Variants in RBFOX1 observed in about 807,000 individuals in gnomAD.
The protein encoded by RBFOX1 is RNA binding fox-1 homolog 1.
A neutral mutation model predicts 57.7 loss-of-function variants in RBFOX1; 8 were observed. That is an observed-to-expected ratio of 0.14 (90% CI 0.08 to 0.25). The LOEUF is 0.25. Ranked by LOEUF, RBFOX1 falls within the 10% of genes least tolerant of loss-of-function variation. The pLI is 1.00. For missense variants in RBFOX1, 611 were observed against 548.5 expected (o/e 1.11, Z -1.14); for synonymous variants, 326 against 222.4 (o/e 1.47, Z -4.15).
intron 4 of RBFOX1, among the ~76,000 whole-genome samples, chr16:7,175,238 C>G (rs1408480684): frequency 1.3e-5 from 2 of 151,914 alleles, no homozygotes; most frequent in African/African-American, 2.4e-5. Context: ...TGTGTTGTTC[C>G]TCTCCCTGTG....
intron 5 of RBFOX1, among the ~76,000 whole-genome samples, chr16:7,575,010 C>CA (rs1205521769): frequency 7.6e-6 from 1 of 131,112 alleles, no homozygotes; most frequent in East Asian, 2.3e-4. Flanking sequence ...TGGTGACCTC[C>CA]AAAAAATATG....
chr16:7,474,026 C>T (rs1257978901), intron 4 of RBFOX1, among the ~76,000 whole-genome samples: 2 of 152,136 alleles, frequency 1.3e-5, no homozygotes, highest in Non-Finnish European at 2.9e-5. Flanking sequence ...TGGTGGCTCA[C>T]GCCTGTGGTC....
chr16:7,664,671 G>C (rs2068708293), intron 12 of RBFOX1: 1 of 553,974 alleles, frequency 1.8e-6, no homozygotes. Context: ...ACCCACTCCT[G>C]AGAGAGTGGG....
At chr16:6,178,556 T>C (rs2097033329) in intron 1 of RBFOX1, among the ~76,000 whole-genome samples, 1 of 152,184 alleles carries the variant, frequency 6.6e-6, no homozygotes, top group South Asian at 2.1e-4. Flanking sequence ...CCATCACTGA[T>C]GGCTTACTAT....
At chr16:7,485,967 G>C (rs1293173742) in intron 4 of RBFOX1, among the ~76,000 whole-genome samples, 2 of 152,178 alleles carry the variant, frequency 1.3e-5, no homozygotes, top group South Asian at 2.1e-4. Flanking sequence ...AAGTTGAGTT[G>C]TGTCAACAGA....
chr16:7,179,659 A>G (rs1021189800), intron 4 of RBFOX1, among the ~76,000 whole-genome samples: 15 of 152,148 alleles, frequency 9.9e-5, no homozygotes, highest in African/African-American at 3.1e-4. Flanking sequence ...CAGCAACACA[A>G]TGAATTTATT....
intron 4 of RBFOX1, among the ~76,000 whole-genome samples, chr16:7,158,663 C>T (rs922934118): frequency 2.0e-5 from 3 of 149,594 alleles, no homozygotes; most frequent in South Asian, 2.2e-4. Flanking sequence ...ATGGTGCGTG[C>T]ACGCACGTAT....
At chr16:7,429,205 A>T (rs773264995) in intron 4 of RBFOX1, among the ~76,000 whole-genome samples, 4 of 152,190 alleles carry the variant, frequency 2.6e-5, no homozygotes, top group Admixed American at 6.5e-5. Context: ...CATCTACTGG[A>T]CAGAGGCACA....
intron 3 of RBFOX1, among the ~76,000 whole-genome samples, chr16:7,024,535 G>T (rs563008092): frequency 6.6e-6 from 1 of 152,256 alleles, no homozygotes; most frequent in Admixed American, 6.5e-5. Context: ...CTTTGTAGAT[G>T]TTAGGAGATA....
chr16:5,268,199 C>A (rs186289727), intron 1 of RBFOX1, among the ~76,000 whole-genome samples: 1 of 152,318 alleles, frequency 6.6e-6, no homozygotes, highest in African/African-American at 2.4e-5. Flanking sequence ...GCAGCCTCTA[C>A]TAGAATGAAG....
chr16:5,507,169 G>C (rs767947090), intron 2 of RBFOX1, among the ~76,000 whole-genome samples: 1 of 152,050 alleles, frequency 6.6e-6, no homozygotes, highest in African/African-American at 2.4e-5. Flanking sequence ...AAACAAATTC[G>C]GGTGTGTGAA....
rs1208277948 is a variant in RBFOX1, at chr16:7,416,963, T to C, written c.28-101184T>C. On this transcript the variant is annotated intron_variant, in intron 4 of 15. Coordinates refer to ENST00000550418, the MANE Select transcript of RBFOX1 (RefSeq NM_018723.4). The stretch of plus-strand genomic sequence containing the variant: ...GAGAAGTAATGTGTCCAAGAACTCA[T>C]AGCTGGCAGGTAGGAGCCCTGAGAT... 2.0e-5 allele frequency among the ~76,000 whole-genome samples: 3 copies of C among 152,160 alleles called. No homozygotes were observed. In the East Asian group the frequency reaches 5.8e-4, roughly 29 times the overall value.
chr16:6,902,162 G>T (rs4786128), intron 3 of RBFOX1, among the ~76,000 whole-genome samples: 8 of 151,876 alleles, frequency 5.3e-5, no homozygotes, highest in Admixed American at 4.6e-4. Flanking sequence ...TTTCGTACCT[G>T]GGATATTCAT....
At chr16:5,324,722 C>T (rs1306068854) in intron 1 of RBFOX1, among the ~76,000 whole-genome samples, 2 of 152,148 alleles carry the variant, frequency 1.3e-5, no homozygotes, top group African/African-American at 4.8e-5. Context: ...AACCAAATAC[C>T]ACTTGTTCTC....
chr16:5,267,951 C>G (rs1055054638), intron 1 of RBFOX1, among the ~76,000 whole-genome samples: 1 of 152,098 alleles, frequency 6.6e-6, no homozygotes, highest in Non-Finnish European at 1.5e-5. Flanking sequence ...TGGTGGCACA[C>G]ACATGTAGTC....
intron 4 of RBFOX1, among the ~76,000 whole-genome samples, chr16:7,229,005 A>T (rs1398442473): frequency 6.6e-6 from 1 of 152,206 alleles, no homozygotes; most frequent in Non-Finnish European, 1.5e-5. Flanking sequence ...GATGGGGAAT[A>T]GCAGGCTAAG....
At chr16:5,556,860 A>T (rs1214023131) in intron 2 of RBFOX1, among the ~76,000 whole-genome samples, 4 of 152,220 alleles carry the variant, frequency 2.6e-5, no homozygotes, top group Admixed American at 2.6e-4. Context: ...CCTGTCATTG[A>T]CACACAGTTT....
intron 2 of RBFOX1, among the ~76,000 whole-genome samples, chr16:5,526,911 G>A (rs1277902780): frequency 6.6e-6 from 1 of 152,192 alleles, no homozygotes; most frequent in South Asian, 2.1e-4. Flanking sequence ...ACATTTGCTC[G>A]CCTCTCTAAC....
At chr16:7,641,954 T>C (rs941773087) in intron 11 of RBFOX1, among the ~76,000 whole-genome samples, 1 of 152,168 alleles carries the variant, frequency 6.6e-6, no homozygotes, top group African/African-American at 2.4e-5. Flanking sequence ...TCCAGGATTT[T>C]TTAAAGTCCA....
Sources: allele counts gnomAD v4.1 joint callset (sites outside exome capture counted in the v4.1 genomes callset), GRCh38; gene constraint gnomAD v4.1.1; transcripts MANE v1.5; gene names NCBI Gene and HGNC (gene_info 2026-07-23, HGNC 2026-07-21).